BANP: variants seen among roughly 807,000 people sequenced by gnomAD.
BANP encodes protein BANP.
A neutral mutation model predicts 68.1 loss-of-function variants in BANP; 11 were observed. The ratio of observed to expected loss-of-function variants is 0.16; its 90% CI spans 0.10 to 0.27. BANP has a LOEUF of 0.27. BANP is among the 10% of genes least tolerant of loss of function. The probability of loss-of-function intolerance (pLI) is 1.00; values close to 1 mark genes in which losing one functional copy is unlikely to be tolerated. For missense variants in BANP, 504 were observed against 722.7 expected (o/e 0.70, Z 3.47); for synonymous variants, 329 against 303.2 (o/e 1.09, Z -0.88).
At position 88,018,624 on chromosome 16, in the gene BANP, C is replaced by T. The variant is rs1299593326; in HGVS notation, c.852C>T (p.His284=). ...CCAACCTCTCGGGGCAGGGCAAGCA[C>T]GGGAAGAAGCAGCTGGACCCGCTCA... ...AVSNLSGQGK[H]GKKQLDPLTI... The change falls in exon 7 of 14, where the codon CAC becomes CAT. Residue 284 remains histidine (H), a synonymous_variant. Transcript: ENST00000682872. This position sits in a 1 kb window ranked among gnomAD's most constrained non-coding sequence, Gnocchi z 7.7. 1.9e-6 allele frequency: 3 copies of T among 1,577,386 alleles called. No homozygotes were observed. In the African/African-American group the frequency reaches 4.1e-5, roughly 21 times the overall value.
chr16:87,983,533 G>C (rs981508570), intron 3 of BANP, among the ~76,000 whole-genome samples: 1 of 152,132 alleles, frequency 6.6e-6, no homozygotes, highest in Non-Finnish European at 1.5e-5. Context: ...GCCCGGCTTT[G>C]CCAACCACTA....
intron 2 of BANP, among the ~76,000 whole-genome samples, chr16:87,978,055 C>T (rs1211685722): frequency 2.6e-5 from 4 of 152,158 alleles, no homozygotes; most frequent in African/African-American, 4.8e-5. Context: ...AGGCTGGTCT[C>T]GAACTCCTGA....
chr16:87,960,951 G>A (rs2059011410), intron 1 of BANP, among the ~76,000 whole-genome samples: 1 of 152,180 alleles, frequency 6.6e-6, no homozygotes, highest in Non-Finnish European at 1.5e-5. Context: ...CCGTGAGCCC[G>A]AGAGCTCCCA....
intron 8 of BANP, among the ~76,000 whole-genome samples, chr16:88,030,321 G>C (rs1165669090): frequency 6.6e-6 from 1 of 152,000 alleles, no homozygotes; most frequent in Non-Finnish European, 1.5e-5. Context: ...TTACATTCAA[G>C]AATTTAAAGG....
At chr16:87,983,185 T>G (rs561180787) in intron 3 of BANP, among the ~76,000 whole-genome samples, 1 of 152,310 alleles carries the variant, frequency 6.6e-6, no homozygotes, top group South Asian at 2.1e-4. Flanking sequence ...AGCTGTTGAT[T>G]CTTAAGGCAG....
At chr16:87,978,782 G>A (rs980157059) in intron 2 of BANP, 16 of 390,802 alleles carry the variant, frequency 4.1e-5, no homozygotes, top group East Asian at 7.5e-5. Flanking sequence ...GCCTTAACAC[G>A]CTAAGTGATA....
chr16:88,072,082 C>G lies in BANP; in HGVS notation c.1391C>G (p.Ala464Gly). ...GTCTCCCTCCAGGTGCTGCAGGGTG[C>G]ACAGCTGATCGCCGTGGCCTCCTCG... ...KASSGQVLQG[A>G]QLIAVASSDP... Residue 464 changes from alanine to glycine, a missense_variant, in exon 13 of 14, where the codon GCA (alanine) becomes GGA (glycine). By Grantham distance (60) the Ala-to-Gly change is moderately conservative. Transcript: ENST00000682872. The G allele has an allele frequency of 6.3e-7, 1 of 1,583,240 alleles. No homozygotes were observed. Among genetic ancestry groups the G allele is most frequent in the Non-Finnish European group, 8.6e-7 (1 of 1,166,492 alleles).
chr16:88,023,929 A>G (rs559995009), intron 7 of BANP, among the ~76,000 whole-genome samples: 1 of 152,162 alleles, frequency 6.6e-6, no homozygotes, highest in Non-Finnish European at 1.5e-5. Flanking sequence ...GTGTGGGGAT[A>G]TGGCTGGGGA....
intron 11 of BANP, among the ~76,000 whole-genome samples, chr16:88,053,755 A>G (rs2084050643): frequency 6.6e-6 from 1 of 150,474 alleles, no homozygotes; most frequent in Non-Finnish European, 1.5e-5. Flanking sequence ...TGTCATCTCC[A>G]TCATCATCAC....
chr16:87,971,214 C>T (rs1204060540), intron 1 of BANP, among the ~76,000 whole-genome samples: 1 of 152,150 alleles, frequency 6.6e-6, no homozygotes, highest in African/African-American at 2.4e-5. Flanking sequence ...CCCAATTCCT[C>T]CCAGTTTCAA....
rs149296386 is a variant in BANP at position 88,068,963 on chromosome 16, C to A, written c.1378-3106C>A. ...TTGCTCTCTCTTTCCTGCCCCTGTCCGTGCACCCAGCCCAGCCCCCTGCCC... is the reference window on the plus strand; with the variant it reads ...TTGCTCTCTCTTTCCTGCCCCTGTCAGTGCACCCAGCCCAGCCCCCTGCCC... On this transcript the variant is annotated intron_variant, in intron 12 of 13. Transcript: ENST00000682872. 2.5e-3 allele frequency among the ~76,000 whole-genome samples: 382 copies of A among 152,178 alleles called. 1 individual carries two copies. Among genetic ancestry groups the A allele is most frequent in the African/African-American group, 8.6e-3 (357 of 41,520 alleles).
At chr16:87,978,658 C>T (rs774090265) in intron 2 of BANP, 13 of 469,858 alleles carry the variant, frequency 2.8e-5, no homozygotes, top group South Asian at 9.3e-5. Flanking sequence ...AAGGGACACC[C>T]GCACCTCAGC....
intron 6 of BANP, among the ~76,000 whole-genome samples, chr16:88,011,263 G>A (rs1235394655): frequency 6.6e-6 from 1 of 152,128 alleles, no homozygotes; most frequent in East Asian, 1.9e-4. Flanking sequence ...GAGCAGTCAG[G>A]AGTTCACCCA....
intron 2 of BANP, among the ~76,000 whole-genome samples, chr16:87,976,904 C>G (rs2062253354): frequency 6.6e-6 from 1 of 152,196 alleles, no homozygotes; most frequent in African/African-American, 2.4e-5. Flanking sequence ...CTTTAGAAAA[C>G]ATAACACTGT....
intron 6 of BANP, among the ~76,000 whole-genome samples, chr16:88,009,205 C>T (rs940007623): frequency 6.6e-6 from 1 of 152,224 alleles, no homozygotes; most frequent in Non-Finnish European, 1.5e-5. Flanking sequence ...CTGTGGCCCT[C>T]TGTCCCAGAG....
intron 1 of BANP, among the ~76,000 whole-genome samples, chr16:87,974,517 G>A (rs905542007): frequency 1.2e-4 from 18 of 152,226 alleles, no homozygotes; most frequent in Non-Finnish European, 2.9e-5. Context: ...GGCCTGTGGG[G>A]TAGCAGAAAC....
At chr16:87,992,171 G>A (rs1380698661) in intron 4 of BANP, among the ~76,000 whole-genome samples, 1 of 152,150 alleles carries the variant, frequency 6.6e-6, no homozygotes, top group South Asian at 2.1e-4. Context: ...CGTCGATTTC[G>A]AATGCTAACC....
intron 1 of BANP, among the ~76,000 whole-genome samples, chr16:87,955,906 C>T (rs1162862552): frequency 1.3e-5 from 2 of 152,182 alleles, no homozygotes; most frequent in Admixed American, 1.3e-4. Flanking sequence ...CAGTGCGTCT[C>T]AAGTGTCCAG....
chr16:87,975,086 C>A lies in BANP; in HGVS notation c.-30C>A, dbSNP rs75198035. The A allele has an allele frequency of 2.5e-6, 4 of 1,591,300 alleles. No homozygotes were observed. Among genetic ancestry groups the A allele is most frequent in the Middle Eastern group, 1.7e-4 (1 of 5,930 alleles). On this transcript the variant is annotated 5_prime_UTR_variant, in exon 2 of 14. Transcript: ENST00000682872. ...AGCCCCACTGTGAGTTGAACTCTTT[C>A]GTGTTGACCGGCCACTCTCCGTGCT...
Sources: allele counts gnomAD v4.1 joint callset (sites outside exome capture counted in the v4.1 genomes callset), GRCh38; gene constraint gnomAD v4.1.1; non-coding constraint Gnocchi (gnomAD v3.1); transcripts MANE v1.5; gene names NCBI Gene and HGNC (gene_info 2026-07-23, HGNC 2026-07-21).